TMEM150C: variants seen among roughly 807,000 people sequenced by gnomAD.
TMEM150C encodes the protein tentonin 3.
A neutral mutation model predicts 29.9 loss-of-function variants in TMEM150C; 10 were observed. The ratio of observed to expected loss-of-function variants is 0.33; its 90% confidence interval spans 0.21 to 0.57. TMEM150C has a LOEUF of 0.57. Among genes scored for constraint, TMEM150C ranks in the 20% least tolerant of loss-of-function variants. TMEM150C has a pLI of 0.88. For missense variants in TMEM150C, 251 were observed against 303.6 expected (o/e 0.83, Z 1.29); for synonymous variants, 101 against 112.5 (o/e 0.90, Z 0.64).
chr4:82,528,071 TG>T (rs1214930582), intron 1 of TMEM150C, among the ~76,000 whole-genome samples: 3 of 152,148 alleles, frequency 2.0e-5, no homozygotes, highest in Non-Finnish European at 2.9e-5. Context: ...TCATAATCTA[TG>T]GGGGAGGAGG....
chr4:82,544,161 C>T (rs138659841), intron 1 of TMEM150C, among the ~76,000 whole-genome samples: 1,957 of 152,256 alleles, frequency 0.013, 37 homozygotes, highest in African/African-American at 0.045. Context: ...CCCTAGGGTG[C>T]CATGTCGGTA....
intron 1 of TMEM150C, among the ~76,000 whole-genome samples, chr4:82,556,142 C>T (rs1204354863): frequency 6.6e-6 from 1 of 151,798 alleles, no homozygotes; most frequent in Non-Finnish European, 1.5e-5. Flanking sequence ...CCACACCCGG[C>T]TAATTTTGTA....
At chr4:82,499,719 C>A (rs1368699603) in intron 5 of TMEM150C, among the ~76,000 whole-genome samples, 22 of 40,308 alleles carry the variant, frequency 5.5e-4, no homozygotes, top group South Asian at 1.5e-3. Context: ...ACTCCGTCTC[C>A]AAAAAAAAAA....
At chr4:82,501,535 G>T (rs1723737274) in intron 5 of TMEM150C, among the ~76,000 whole-genome samples, 1 of 152,184 alleles carries the variant, frequency 6.6e-6, no homozygotes, top group African/African-American at 2.4e-5. Context: ...TGGAAAGGTG[G>T]TTAGCTCCAG....
chr4:82,558,494 G>A (rs1725814057), intron 1 of TMEM150C, among the ~76,000 whole-genome samples: 1 of 152,166 alleles, frequency 6.6e-6, no homozygotes. Context: ...GTTTGGGGCT[G>A]AATTTGAAGG....
Position 82,485,395 on chromosome 4 carries a change from A to AGTGT in TMEM150C, c.*115_*116insACAC, listed in dbSNP as rs1723125777. On this transcript the variant is annotated 3_prime_UTR_variant, in exon 8 of 8. Transcript: ENST00000449862. ...AGCTCATTTGGCAAATGTGGCCATG[A>AGTGT]ATGTGTGTGTGTGTGTGTGTGTGAA... is the stretch of plus-strand genomic sequence containing the variant. 4.8e-6 allele frequency: 3 copies of AGTGT among 620,350 alleles called. No individual in the cohort carries two copies. In the South Asian group the frequency reaches 7.9e-5, roughly 16 times the overall value. 38.4% of individuals were successfully genotyped at this position (620,350 alleles called of 1,614,324 possible). A position where few individuals can be genotyped will look rare whatever the true frequency, so the allele number is the denominator to read the frequency against.
chr4:82,504,338 G>A (rs1483271343), intron 2 of TMEM150C, among the ~76,000 whole-genome samples: 2 of 152,028 alleles, frequency 1.3e-5, no homozygotes, highest in Non-Finnish European at 2.9e-5. Flanking sequence ...CGAGTAGCTG[G>A]GATTACAGGC....
chr4:82,529,011 A>G (rs1724746943), intron 1 of TMEM150C, among the ~76,000 whole-genome samples: 1 of 152,022 alleles, frequency 6.6e-6, no homozygotes, highest in South Asian at 2.1e-4. Context: ...GAGTCTACAC[A>G]GAGTGGTAAT....
At chr4:82,517,717 G>T (rs1282744705) in intron 1 of TMEM150C, among the ~76,000 whole-genome samples, 1 of 152,142 alleles carries the variant, frequency 6.6e-6, no homozygotes, top group African/African-American at 2.4e-5. Flanking sequence ...ACTTGGACTG[G>T]ATTGTAACAC....
chr4:82,521,085 C>T (rs1724469668), intron 1 of TMEM150C, among the ~76,000 whole-genome samples: 1 of 152,146 alleles, frequency 6.6e-6, no homozygotes, highest in African/African-American at 2.4e-5. Flanking sequence ...ATGGCTGCTC[C>T]CTCACCACAA....
chr4:82,485,660 C>A lies in TMEM150C; in HGVS notation c.601G>T (p.Val201Phe), dbSNP rs1001770172. 1 of 1,609,668 alleles carries A rather than the reference C, an allele frequency of 6.2e-7. No individual in the cohort carries two copies. Among genetic ancestry groups the A allele is most frequent in the Admixed American group, 1.7e-5 (1 of 59,398 alleles). ...CCAAAATAAGACAGGAAGCACATGA[C>A]CAGGCCCCACTGGACCCTGGCTGCA... Reference protein sequence around the residue: ...MYAARVQWGLVMCFLSYFGTF... With the variant: ...MYAARVQWGLFMCFLSYFGTF... The change falls in exon 8 of 8, where the codon GTC becomes TTC. Residue 201 changes from valine to phenylalanine, a missense_variant. By Grantham distance (50) the Val-to-Phe change is conservative. Transcript: ENST00000449862.
At chr4:82,537,738 T>C (rs1004710361) in intron 1 of TMEM150C, among the ~76,000 whole-genome samples, 9 of 151,800 alleles carry the variant, frequency 5.9e-5, no homozygotes, top group African/African-American at 1.9e-4. Flanking sequence ...GGAGAGGAAA[T>C]AGACACACAT....
At chr4:82,523,337 G>GCATGTTTGATTGGTTTGA in intron 1 of TMEM150C, among the ~76,000 whole-genome samples, 1 of 152,228 alleles carries the variant, frequency 6.6e-6, no homozygotes, top group Admixed American at 6.5e-5. Context: ...TTTGCATAGG[G>GCATGTTTGATTGGTTTGA]CTCAGGGGAT....
Position 82,498,659 on chromosome 4 carries a change from G to C in TMEM150C, c.236-2464C>G, listed in dbSNP as rs559119733. ...TCTCTGCTGGTCATTTTGTGGGATA[G>C]GATGGTGCTGGAACTTGACCTAAGC... On this transcript the variant is annotated intron_variant, in intron 5 of 7. Transcript: ENST00000449862. 2.0e-5 allele frequency among the ~76,000 whole-genome samples: 3 copies of C among 152,262 alleles called. No homozygotes were observed. In the East Asian group the frequency reaches 5.8e-4, roughly 29 times the overall value.
chr4:82,539,687 C>T (rs1725136952), intron 1 of TMEM150C, among the ~76,000 whole-genome samples: 3 of 152,136 alleles, frequency 2.0e-5, no homozygotes, highest in Admixed American at 2.0e-4. Flanking sequence ...CTCCTGACCT[C>T]GTGATCTGCC....
intron 1 of TMEM150C, among the ~76,000 whole-genome samples, chr4:82,526,952 T>C (rs1189311804): frequency 6.6e-6 from 1 of 151,588 alleles, no homozygotes; most frequent in African/African-American, 2.4e-5. Context: ...TACCCATCTT[T>C]CCAGAACCGA....
chr4:82,551,019 G>A lies in TMEM150C; in HGVS notation c.-11+10887C>T, dbSNP rs111580303. On this transcript the variant is annotated intron_variant, in intron 1 of 7. Transcript: ENST00000449862. ...AATGGAGTTTGAGGCTGAATTCATC[G>A]GTCAGACCCTCTAGGATGATGTCAT... Among the ~76,000 whole-genome samples the A allele has an allele frequency of 3.5e-4, 54 of 152,224 alleles. 1 individual carries two copies. Among genetic ancestry groups the A allele is most frequent in the African/African-American group, 1.2e-3 (50 of 41,556 alleles).
intron 1 of TMEM150C, among the ~76,000 whole-genome samples, chr4:82,559,786 C>T (rs540069442): frequency 6.6e-6 from 1 of 152,184 alleles, no homozygotes; most frequent in African/African-American, 2.4e-5. Flanking sequence ...AATACATTAT[C>T]TTGTCAGTGC....
At chr4:82,511,720 G>T (rs1724133739) in intron 1 of TMEM150C, among the ~76,000 whole-genome samples, 1 of 151,834 alleles carries the variant, frequency 6.6e-6, no homozygotes, top group Admixed American at 6.6e-5. Context: ...ACCTGCCTCG[G>T]ACTCTCAAAG....
Sources: gnomAD v4.1 joint callset for allele counts (sites outside exome capture counted in the v4.1 genomes callset) on GRCh38, gnomAD v4.1.1 for gene constraint, MANE v1.5 for transcripts, NCBI Gene and HGNC (gene_info 2026-07-23, HGNC 2026-07-21) for gene names.